Variants in EXOC4 observed in about 807,000 individuals in gnomAD.
The protein encoded by EXOC4 is SEC8-like 1.
Under a neutral mutation model 107.2 loss-of-function variants are expected in EXOC4, and 71 were observed. The ratio of observed to expected loss-of-function variants is 0.66; its 90% CI spans 0.55 to 0.81. The LOEUF is 0.81. Ranked by LOEUF, EXOC4 falls within the 30% of genes least tolerant of loss-of-function variation. The probability of loss-of-function intolerance (pLI) is 0.00; values close to 1 mark genes in which losing one functional copy is unlikely to be tolerated. For missense variants in EXOC4, 1,108 were observed against 1,189.6 expected (o/e 0.93, Z 1.01); for synonymous variants, 456 against 441.2 (o/e 1.03, Z -0.42).
At chr7:134,026,015 G>A (rs2116449623) in intron 17 of EXOC4, among the ~76,000 whole-genome samples, 1 of 152,310 alleles carries the variant, frequency 6.6e-6, no homozygotes, top group South Asian at 2.1e-4. Flanking sequence ...GCCTCATACA[G>A]TAGACATTCC....
At chr7:133,270,354 G>C (rs1232406786) in intron 1 of EXOC4, among the ~76,000 whole-genome samples, 2 of 152,144 alleles carry the variant, frequency 1.3e-5, no homozygotes, top group African/African-American at 4.8e-5. Context: ...TAATTATTAT[G>C]TGTAAGCCAC....
chr7:133,525,093 A>C (rs181143836), intron 9 of EXOC4, among the ~76,000 whole-genome samples: 1 of 152,146 alleles, frequency 6.6e-6, no homozygotes, highest in African/African-American at 2.4e-5. Context: ...ATTGTCTACC[A>C]TACTGTAAGA....
At chr7:133,997,703 C>T in intron 15 of EXOC4, 70 bp downstream of exon 15, 4 of 1,517,804 alleles carry the variant, frequency 2.6e-6, no homozygotes, top group Non-Finnish European at 3.6e-6. Flanking sequence ...TTGCTTATTT[C>T]CAGGCAGTAT....
intron 11 of EXOC4, among the ~76,000 whole-genome samples, chr7:133,843,239 A>G (rs1798057430): frequency 6.6e-6 from 1 of 152,156 alleles, no homozygotes; most frequent in African/African-American, 2.4e-5. Context: ...AATAGCACTG[A>G]ATCTGTAAAT....
intron 7 of EXOC4, among the ~76,000 whole-genome samples, chr7:133,471,314 A>C (rs868856704): frequency 6.6e-6 from 1 of 152,020 alleles, no homozygotes; most frequent in Middle Eastern, 3.4e-3. Context: ...CGGGAGGCTG[A>C]GGCAGGAGAA....
intron 15 of EXOC4, among the ~76,000 whole-genome samples, chr7:133,998,791 G>A (rs1794458073): frequency 6.6e-6 from 1 of 152,130 alleles, no homozygotes; most frequent in African/African-American, 2.4e-5. Flanking sequence ...GGGATTGCAG[G>A]GAAAAATACA....
intron 9 of EXOC4, among the ~76,000 whole-genome samples, chr7:133,613,862 C>T (rs1266247567): frequency 1.3e-5 from 2 of 152,034 alleles, no homozygotes; most frequent in East Asian, 1.9e-4. Context: ...TACCTATAGA[C>T]TCTAATATGA....
At chr7:133,368,702 T>C (rs1187195192) in intron 6 of EXOC4, among the ~76,000 whole-genome samples, 1 of 152,224 alleles carries the variant, frequency 6.6e-6, no homozygotes, top group Non-Finnish European at 1.5e-5. Context: ...CATTGCCATC[T>C]AGGATTAATA....
intron 9 of EXOC4, among the ~76,000 whole-genome samples, chr7:133,549,897 C>G (rs997893974): frequency 3.9e-5 from 6 of 152,180 alleles, no homozygotes; most frequent in Non-Finnish European, 7.4e-5. Flanking sequence ...ATCTGGCACA[C>G]TGTTTATTGA....
At chr7:133,909,904 T>C (rs959749892) in intron 12 of EXOC4, among the ~76,000 whole-genome samples, 3 of 151,658 alleles carry the variant, frequency 2.0e-5, no homozygotes, top group Middle Eastern at 3.2e-3. Context: ...ATCTGAACAT[T>C]GACGGTTGAG....
intron 7 of EXOC4, among the ~76,000 whole-genome samples, chr7:133,376,993 T>C (rs1327591411): frequency 1.3e-5 from 2 of 152,226 alleles, no homozygotes; most frequent in African/African-American, 4.8e-5. Context: ...TTATTATGCT[T>C]GTTAAAAAGC....
chr7:133,710,641 CAG>C, intron 10 of EXOC4, among the ~76,000 whole-genome samples: 1 of 127,050 alleles, frequency 7.9e-6, no homozygotes, highest in East Asian at 2.3e-4. Context: ...GCCTGGGCGA[CAG>C]AGTGAGACTC....
At chr7:133,931,490 A>G (rs1800173845) in intron 13 of EXOC4, among the ~76,000 whole-genome samples, 1 of 152,192 alleles carries the variant, frequency 6.6e-6, no homozygotes, top group Non-Finnish European at 1.5e-5. Context: ...TAAAAAAGTT[A>G]ACTATTTAAA....
At chr7:133,779,883 A>C (rs567076588) in intron 10 of EXOC4, among the ~76,000 whole-genome samples, 1 of 152,054 alleles carries the variant, frequency 6.6e-6, no homozygotes, top group African/African-American at 2.4e-5. Flanking sequence ...CAGCAGCAGC[A>C]ACATTTATTG....
chr7:133,817,571 T>C, intron 11 of EXOC4, 27 bp downstream of exon 11: 1 of 1,513,240 alleles, frequency 6.6e-7, no homozygotes. Flanking sequence ...AACTTACTAT[T>C]TTTATCAGCA....
chr7:133,799,751 AGTG>A (rs1411454069), intron 10 of EXOC4, among the ~76,000 whole-genome samples: 1 of 152,180 alleles, frequency 6.6e-6, no homozygotes, highest in Non-Finnish European at 1.5e-5. Flanking sequence ...AGATTAGTCT[AGTG>A]GTGAAATATA....
At position 133,389,117 on chromosome 7, in the gene EXOC4, T is replaced by C. The variant is rs1485405511; in HGVS notation, c.1182+14115T>C. Among the ~76,000 whole-genome samples the C allele has an allele frequency of 2.0e-5, 3 of 151,924 alleles. No homozygotes were observed. In the East Asian group the frequency reaches 5.8e-4, roughly 29 times the overall value. On this transcript the variant is annotated intron_variant, in intron 7 of 17. Coordinates refer to ENST00000253861, the MANE Select transcript of EXOC4 (RefSeq NM_021807.4). ...GTCTGGCAGCAGTGTGCAAAATGAA[T>C]TGGTAGAGGAGAAATGGAGAGCTGC...
chr7:133,705,827 A>G (rs888059376), intron 10 of EXOC4, among the ~76,000 whole-genome samples: 1 of 152,230 alleles, frequency 6.6e-6, no homozygotes, highest in African/African-American at 2.4e-5. Context: ...ATGTCATCAC[A>G]CTACTCAGAA....
At chr7:133,846,657 CT>C (rs1425199188) in intron 11 of EXOC4, among the ~76,000 whole-genome samples, 9 of 152,206 alleles carry the variant, frequency 5.9e-5, no homozygotes, top group African/African-American at 2.2e-4. Context: ...GCTATGCTGT[CT>C]GTGTTGCAGC....
Sources: allele counts gnomAD v4.1 joint callset (sites outside exome capture counted in the v4.1 genomes callset), GRCh38; gene constraint gnomAD v4.1.1; transcripts MANE v1.5; gene names NCBI Gene and HGNC (gene_info 2026-07-23, HGNC 2026-07-21).